OR2J3: variants seen among roughly 807,000 people sequenced by gnomAD.
OR2J3 encodes olfactory receptor 2J3.
A neutral mutation model predicts 18.5 loss-of-function variants in OR2J3; 13 were observed. The ratio of observed to expected loss-of-function variants is 0.70; its 90% CI spans 0.46 to 1.12. The LOEUF is 1.12. OR2J3 is among the 50% of genes most tolerant of loss of function. The probability of loss-of-function intolerance (pLI) is 0.00; values close to 1 mark genes in which losing one functional copy is unlikely to be tolerated. For synonymous variants in OR2J3, 142 were observed against 140.6 expected, an observed-to-expected ratio of 1.01 and a Z score of -0.07; for missense variants, 321 against 371.6, an observed-to-expected ratio of 0.86 and a Z score of 1.12.
chr6:29,112,958 T>G lies in OR2J3; in HGVS notation c.*132T>G, dbSNP rs1762206997. 8.9e-7 allele frequency: 1 copy of G among 1,127,250 alleles called. No homozygotes were observed. Among genetic ancestry groups the G allele is most frequent in the African/African-American group, 1.6e-5 (1 of 63,782 alleles). The allele number at this position is 1,127,250 out of a possible 1,614,324, so 69.8% of individuals were successfully genotyped here. On this transcript the variant is annotated 3_prime_UTR_variant, in exon 4 of 4. Transcript: ENST00000641151. ...TTGCTGAGCATGTACTCTAACAAGG[T>G]CGTGGAGTTCCTGGTAACAGGTAGG...
rs375417632 is a variant in OR2J3, at chr6:29,109,647, G to A, written c.-11+772G>A. On this transcript the variant is annotated intron_variant, in intron 3 of 3. Transcript: ENST00000641151. ...AGGCAAAGAATTCAGAGAAAATGGGGTATTTAAATGGTGGGTTGCTATGCC... is the reference window on the plus strand; with the variant it reads ...AGGCAAAGAATTCAGAGAAAATGGGATATTTAAATGGTGGGTTGCTATGCC... The A allele has an allele frequency of 4.6e-5, 7 of 152,228 alleles. No individual in the cohort carries two copies. The South Asian group carries it at 8.3e-4, about 18-fold the overall frequency. The allele number at this position is 152,228 out of a possible 1,614,324, so 9.4% of individuals were successfully genotyped here.
In OR2J3 at chr6:29,112,242, C is replaced by CGG. The variant is rs754228779; in HGVS notation, c.352_353insGG (p.Leu118ArgfsTer4). On this transcript the variant is annotated frameshift_variant, in exon 4 of 4. Transcript: ENST00000641151. LOFTEE classifies it high-confidence loss of function. ...ACTGGGAACCACAGAGTGTGTCCTA[C>CGG]TGGTGGTGATGTCCTATGACCGTTA... 1 of 1,614,052 alleles carries CGG rather than the reference C, an allele frequency of 6.2e-7. No homozygotes were observed. Among genetic ancestry groups the CGG allele is most frequent in the South Asian group, 1.1e-5 (1 of 91,078 alleles).
rs1178436972 is a variant in OR2J3 at position 29,114,735 on chromosome 6, C to T, written c.*1909C>T. Reference sequence around the variant, plus strand: ...TTGTACCCTTTGACCAATATCTCCCCATTTTCCCTATTTCTCTCCACTGCT... The same window carrying T: ...TTGTACCCTTTGACCAATATCTCCCTATTTTCCCTATTTCTCTCCACTGCT... On this transcript the variant is annotated 3_prime_UTR_variant, in exon 4 of 4. Transcript: ENST00000641151. 4 of 152,072 alleles carry T rather than the reference C, an allele frequency of 2.6e-5. No homozygotes were observed. The East Asian group carries it at 7.7e-4, about 29-fold the overall frequency. The allele number at this position is 152,072 out of a possible 1,614,324, so 9.4% of individuals were successfully genotyped here.
chr6:29,110,850 TC>T lies in OR2J3; in HGVS notation c.-10-1030del, dbSNP rs1279602711. On this transcript the variant is annotated intron_variant, in intron 3 of 3. Coordinates refer to ENST00000641151, the MANE Select transcript of OR2J3 (RefSeq NM_001005216.4). ...TGTTATATCATCTATCAACTATCTA[TC>T]TATTTATCTATCTATCTATCTATCT... Among the ~76,000 whole-genome samples the T allele has an allele frequency of 5.6e-4, 67 of 119,114 alleles. 1 individual carries two copies. The highest frequency in any genetic ancestry group is 5.1e-3 in the South Asian group (18 of 3,506). The allele number at this position is 119,114 out of a possible 152,430, so 78.1% of individuals were successfully genotyped here. A position where few individuals can be genotyped will look rare whatever the true frequency, so the allele number is the denominator to read the frequency against.
In OR2J3 at chr6:29,114,019, T is replaced by C. The variant is rs1027679994; in HGVS notation, c.*1193T>C. ...TTCTCTATAACTCAAATGTCAGCTG[T>C]AGCTTTTGAGGCCTGTGAGATTTAG... On this transcript the variant is annotated 3_prime_UTR_variant, in exon 4 of 4. Coordinates refer to ENST00000641151, the MANE Select transcript of OR2J3 (RefSeq NM_001005216.4). The C allele has an allele frequency of 1.3e-5, 2 of 152,188 alleles. No homozygotes were observed. Among genetic ancestry groups the C allele is most frequent in the East Asian group, 3.8e-4 (2 of 5,198 alleles). The allele number at this position is 152,188 out of a possible 1,614,324, so 9.4% of individuals were successfully genotyped here. A position where few individuals can be genotyped will look rare whatever the true frequency, so the allele number is the denominator to read the frequency against.
In OR2J3 at chr6:29,113,936, C is replaced by T. The variant is rs902714320; in HGVS notation, c.*1110C>T. 11 of 152,018 alleles carry T rather than the reference C, an allele frequency of 7.2e-5. No individual in the cohort carries two copies. The highest frequency in any genetic ancestry group is 1.9e-4 in the African/African-American group (8 of 41,388). The allele number at this position is 152,018 out of a possible 1,614,324, so 9.4% of individuals were successfully genotyped here. On this transcript the variant is annotated 3_prime_UTR_variant, in exon 4 of 4. Coordinates refer to ENST00000641151, the MANE Select transcript of OR2J3 (RefSeq NM_001005216.4). ...AACTGACAGTCATAGTCAAATGAAGCGGAAAAATGGCTAAAGGAGAATTCA... is the reference window on the plus strand; with the variant it reads ...AACTGACAGTCATAGTCAAATGAAGTGGAAAAATGGCTAAAGGAGAATTCA...
intron 3 of OR2J3, among the ~76,000 whole-genome samples, chr6:29,110,683 T>TA (rs1762088785): frequency 1.3e-5 from 2 of 152,114 alleles, no homozygotes. Flanking sequence ...AATATAAAAT[T>TA]AAAAAATTAT....
rs140877389 is a variant in OR2J3 at position 29,112,148 on chromosome 6, C to G, written c.258C>G (p.Val86=). Residue 86 remains valine (V), a synonymous_variant, in exon 4 of 4, where the codon GTC becomes GTG. Coordinates refer to ENST00000641151, the MANE Select transcript of OR2J3 (RefSeq NM_001005216.4). The part of the protein sequence containing the change: ...YTTSSIPQLL[V]NLWGPEKTIS... The stretch of plus-strand genomic sequence containing the variant: ...CCAGCTCTATCCCTCAGTTGCTGGT[C>G]AATCTCTGGGGCCCGGAAAAGACCA... 14,621 of 1,614,054 alleles carry G rather than the reference C, an allele frequency of 9.1e-3. 101 individuals carry two copies. The highest frequency in any genetic ancestry group is 0.021 in the Middle Eastern group (129 of 6,062).
Position 29,112,003 on chromosome 6 carries a change from A to G in OR2J3, c.113A>G (p.Tyr38Cys), listed in dbSNP as rs1288455334. Reference protein sequence around the residue: ...VVIFVVVLIFYLMTLIGNLFI... With the variant: ...VVIFVVVLIFCLMTLIGNLFI... ...ATCTTTGTGGTTGTCTTGATCTTCTACTTGATGACACTGATAGGAAACCTG... is the reference window on the plus strand; with the variant it reads ...ATCTTTGTGGTTGTCTTGATCTTCTGCTTGATGACACTGATAGGAAACCTG... The change falls in exon 4 of 4, where the codon TAC (tyrosine) becomes TGC (cysteine). Residue 38 changes from tyrosine (Y) to cysteine (C), a missense_variant. Tyr to Cys is a radical substitution (Grantham distance 194). Transcript: ENST00000641151. The G allele has an allele frequency of 4.3e-6, 7 of 1,614,022 alleles. No homozygotes were observed. Among genetic ancestry groups the G allele is most frequent in the Non-Finnish European group, 5.1e-6 (6 of 1,180,016 alleles).
intron 3 of OR2J3, among the ~76,000 whole-genome samples, chr6:29,109,252 A>G (rs1413544196): frequency 6.6e-6 from 1 of 152,214 alleles, no homozygotes; most frequent in East Asian, 1.9e-4. Context: ...TTCTTTTAAA[A>G]CAATGTGCAG....
rs1167197898 is a variant in OR2J3, at chr6:29,112,891, T to G, written c.*65T>G. 1 of 1,507,670 alleles carries G rather than the reference T, an allele frequency of 6.6e-7. No homozygotes were observed. The highest frequency in any genetic ancestry group is 1.4e-5 in the African/African-American group (1 of 71,900). 93.4% of individuals were successfully genotyped at this position (1,507,670 alleles called of 1,614,324 possible). A position where few individuals can be genotyped will look rare whatever the true frequency, so the allele number is the denominator to read the frequency against. On this transcript the variant is annotated 3_prime_UTR_variant, in exon 4 of 4. Transcript: ENST00000641151. ...CCCTCACAATGATTCATCCTTCTAT[T>G]TATTTATCAACCATTCTTTTATTCA...
intron 3 of OR2J3, among the ~76,000 whole-genome samples, chr6:29,109,869 T>C (rs1400219304): frequency 6.6e-6 from 1 of 152,212 alleles, no homozygotes; most frequent in Non-Finnish European, 1.5e-5. Flanking sequence ...CATTAAATAT[T>C]CAGAACTCTC....
Position 29,113,791 on chromosome 6 carries a change from G to T in OR2J3, c.*965G>T, listed in dbSNP as rs983314857. ...TATTTATGGTTAATAAGTATATTAT[G>T]TATGTCAATATATGTGTTTCAAATA... On this transcript the variant is annotated 3_prime_UTR_variant, in exon 4 of 4. Transcript: ENST00000641151. 3.8e-4 allele frequency: 58 copies of T among 152,094 alleles called. No individual in the cohort carries two copies. Among genetic ancestry groups the T allele is most frequent in the African/African-American group, 1.4e-3 (58 of 41,436 alleles). The allele number at this position is 152,094 out of a possible 1,614,324, so 9.4% of individuals were successfully genotyped here.
rs1232571943 is a variant in OR2J3, at chr6:29,113,809, T to C, written c.*983T>C. The C allele has an allele frequency of 6.6e-6, 1 of 152,214 alleles. No homozygotes were observed. Among genetic ancestry groups the C allele is most frequent in the African/African-American group, 2.4e-5 (1 of 41,458 alleles). 9.4% of individuals were successfully genotyped at this position (152,214 alleles called of 1,614,324 possible). On this transcript the variant is annotated 3_prime_UTR_variant, in exon 4 of 4. Transcript: ENST00000641151. Reference sequence around the variant, plus strand: ...ATATTATGTATGTCAATATATGTGTTTCAAATAAAGAAATCTATTTTATAG... The same window carrying C: ...ATATTATGTATGTCAATATATGTGTCTCAAATAAAGAAATCTATTTTATAG...
At chr6:29,109,349 T>A (rs757155636) in intron 3 of OR2J3, 1 of 152,222 alleles carries the variant, frequency 6.6e-6, no homozygotes, top group East Asian at 1.9e-4. Flanking sequence ...CATTACCAAG[T>A]CTGTTAAAAG....
chr6:29,111,204 T>G (rs1052188179), intron 3 of OR2J3, among the ~76,000 whole-genome samples: 1 of 152,162 alleles, frequency 6.6e-6, no homozygotes, highest in Non-Finnish European at 1.5e-5. Context: ...TTCCTCACCC[T>G]TTGTTTTTCT....
intron 3 of OR2J3, among the ~76,000 whole-genome samples, chr6:29,109,205 A>C (rs1437283634): frequency 2.6e-5 from 4 of 152,192 alleles, no homozygotes; most frequent in Non-Finnish European, 5.9e-5. Flanking sequence ...CTCTTTGACT[A>C]TTGCTGCTTT....
At position 29,111,923 on chromosome 6, in the gene OR2J3, T is replaced by C; in HGVS notation, c.33T>C (p.Ser11=). The change falls in exon 4 of 4, where the codon TCT becomes TCC. Residue 11 remains serine (S), a synonymous_variant. Transcript: ENST00000641151. ...ATGATGGAAAAGTCAATGCTAGCTC[T>C]GAGGGGTACTTTATTTTAGTTGGAT... The part of the protein sequence containing the change: MNDDGKVNAS[S]EGYFILVGFS... 2 of 1,613,700 alleles carry C rather than the reference T, an allele frequency of 1.2e-6. No homozygotes were observed. Among genetic ancestry groups the C allele is most frequent in the Non-Finnish European group, 8.5e-7 (1 of 1,179,814 alleles).
At position 29,111,972 on chromosome 6, in the gene OR2J3, G is replaced by A. The variant is rs748814357; in HGVS notation, c.82G>A (p.Val28Ile). Reference sequence around the variant, plus strand: ...ATTTTCTAATTGGCCTCATCTGGAAGTAGTTATCTTTGTGGTTGTCTTGAT... The same window carrying A: ...ATTTTCTAATTGGCCTCATCTGGAAATAGTTATCTTTGTGGTTGTCTTGAT... ...VGFSNWPHLE[V>I]VIFVVVLIFY... Residue 28 changes from valine to isoleucine, a missense_variant, in exon 4 of 4, where the codon GTA becomes ATA. Physicochemically the swap from Val to Ile is conservative, Grantham distance 29. Coordinates refer to ENST00000641151, the MANE Select transcript of OR2J3 (RefSeq NM_001005216.4). 39 of 1,613,970 alleles carry A rather than the reference G, an allele frequency of 2.4e-5. 1 individual carries two copies. The South Asian group carries it at 4.3e-4, about 18-fold the overall frequency.
Sources: gnomAD v4.1 joint callset for allele counts (sites outside exome capture counted in the v4.1 genomes callset) on GRCh38, gnomAD v4.1.1 for gene constraint, MANE v1.5 for transcripts, NCBI Gene and HGNC (gene_info 2026-07-23, HGNC 2026-07-21) for gene names.